Variants in SLTM observed in about 807,000 individuals in gnomAD.
SLTM encodes SAFB like transcription modulator.
A neutral mutation model predicts 134.6 loss-of-function variants in SLTM; 43 were observed. The observed-to-expected ratio is 0.32, with a 90% CI of 0.25 to 0.41. SLTM has a LOEUF of 0.41. Among genes scored for constraint, SLTM ranks in the 10% least tolerant of loss-of-function variants. The pLI is 1.00. For synonymous variants in SLTM, 424 were observed against 432.3 expected (o/e 0.98, Z 0.24); for missense variants, 1,055 against 1,288.8 (o/e 0.82, Z 2.78).
chr15:58,927,768 A>C (rs2037583358), intron 2 of SLTM, among the ~76,000 whole-genome samples: 1 of 152,178 alleles, frequency 6.6e-6, no homozygotes, highest in Non-Finnish European at 1.5e-5. Flanking sequence ...TAACAATTAT[A>C]CGCCCAAAGT....
intron 3 of SLTM, 165 bp downstream of exon 3, chr15:58,916,770 T>C: frequency 1.9e-6 from 1 of 521,608 alleles, no homozygotes; most frequent in African/African-American, 2.0e-5. Flanking sequence ...TTCTCAATTA[T>C]GAGAGTTAAT....
chr15:58,882,545 A>G (rs1416570747), intron 20 of SLTM, among the ~76,000 whole-genome samples: 1 of 152,240 alleles, frequency 6.6e-6, no homozygotes, highest in African/African-American at 2.4e-5. Flanking sequence ...CGTGTGAAAC[A>G]GTGTTTAACC....
intron 14 of SLTM, among the ~76,000 whole-genome samples, chr15:58,890,815 CT>C (rs2034590024): frequency 6.6e-6 from 1 of 152,166 alleles, no homozygotes. Context: ...ACTTCCAACA[CT>C]TGTTTTTGAT....
At chr15:58,902,425 C>G (rs887787211) in intron 5 of SLTM, among the ~76,000 whole-genome samples, 1 of 148,232 alleles carries the variant, frequency 6.7e-6, no homozygotes, top group Non-Finnish European at 1.5e-5. Context: ...CTTACTCTGT[C>G]GTCCAGGCTA....
intron 2 of SLTM, among the ~76,000 whole-genome samples, chr15:58,920,530 G>GGA (rs2036952668): frequency 6.6e-6 from 1 of 151,830 alleles, no homozygotes; most frequent in Non-Finnish European, 1.5e-5. Flanking sequence ...GGCTGAGACA[G>GGA]GAGAATCACC....
At chr15:58,918,053 C>T (rs1325502550) in intron 2 of SLTM, among the ~76,000 whole-genome samples, 1 of 151,078 alleles carries the variant, frequency 6.6e-6, no homozygotes, top group Non-Finnish European at 1.5e-5. Context: ...TTGCGCCCAG[C>T]TGGTAGTTGG....
At chr15:58,885,645 G>A (rs930663113) in intron 19 of SLTM, among the ~76,000 whole-genome samples, 129 of 152,222 alleles carry the variant, frequency 8.5e-4, no homozygotes, top group Non-Finnish European at 1.5e-3. Context: ...TTAGCCAGGC[G>A]TGGTGGCGCA....
intron 2 of SLTM, among the ~76,000 whole-genome samples, chr15:58,926,904 G>A (rs749521570): frequency 1.3e-5 from 2 of 152,038 alleles, no homozygotes; most frequent in Non-Finnish European, 2.9e-5. Context: ...GAGCCACCGC[G>A]CCTGGCCAAA....
chr15:58,892,609 G>T (rs186781624), intron 14 of SLTM, among the ~76,000 whole-genome samples: 1 of 152,224 alleles, frequency 6.6e-6, no homozygotes, highest in East Asian at 1.9e-4. Flanking sequence ...TGTTAGCCAT[G>T]TGGCCATTGG....
intron 6 of SLTM, 188 bp downstream of exon 6, chr15:58,901,072 T>A: frequency 3.5e-6 from 2 of 573,558 alleles, no homozygotes; most frequent in East Asian, 6.2e-5. Flanking sequence ...TTGCAATATA[T>A]CTTTAGTGTT....
Position 58,932,364 on chromosome 15 carries a change from T to G in SLTM, c.242A>C (p.Lys81Thr). 2 of 1,611,882 alleles carry G rather than the reference T, an allele frequency of 1.2e-6. No individual in the cohort carries two copies. Among genetic ancestry groups the G allele is most frequent in the Non-Finnish European group, 1.7e-6 (2 of 1,177,998 alleles). The change falls in exon 2 of 21, where the codon AAA (lysine) becomes ACA (threonine). Residue 81 changes from lysine (K) to threonine (T), a missense_variant. This residue lies in a region of SLTM where 268 missense variants were observed against 284.3 expected (regional missense o/e 0.94). Coordinates refer to ENST00000380516, the MANE Select transcript of SLTM (RefSeq NM_024755.4). ...TCATAACTCGTAACAACCTTTGCCT[T>G]TAGTTGGTTTCTTGTTTGGAGTATC... ...STDTPNKKPT[K>T]GKGKKHEADE...
chr15:58,889,261 T>A (rs2034476503), intron 16 of SLTM, 169 bp downstream of exon 16: 1 of 696,998 alleles, frequency 1.4e-6, no homozygotes, highest in Non-Finnish European at 2.3e-6. Flanking sequence ...CACAGACTGT[T>A]CCCACTTGCT....
chr15:58,927,358 CTCCCAG>C (rs1303884941), intron 2 of SLTM, among the ~76,000 whole-genome samples: 1 of 152,072 alleles, frequency 6.6e-6, no homozygotes, highest in African/African-American at 2.4e-5. Context: ...CAACCTCTGC[CTCCCAG>C]GTTCAAGAGA....
chr15:58,884,200 T>C (rs1407828009), intron 19 of SLTM, among the ~76,000 whole-genome samples: 2 of 152,118 alleles, frequency 1.3e-5, no homozygotes, highest in African/African-American at 4.8e-5. Context: ...ATAAGATGTC[T>C]GAGAAGATAA....
At position 58,894,209 on chromosome 15, in the gene SLTM, C is replaced by G; in HGVS notation, c.1378-16G>C. 3 of 1,571,958 alleles carry G rather than the reference C, an allele frequency of 1.9e-6. No homozygotes were observed. In the South Asian group the frequency reaches 3.4e-5, roughly 18 times the overall value. On this transcript the variant is annotated splice_polypyrimidine_tract_variant and intron_variant, in intron 10 of 20. Transcript: ENST00000380516. Reference sequence around the variant, plus strand: ...CACCTTTTACCTGAAAGGTTCGAACCAGAAAAACAATTTGTACATATGGTT... The same window carrying G: ...CACCTTTTACCTGAAAGGTTCGAACGAGAAAAACAATTTGTACATATGGTT...
intron 5 of SLTM, among the ~76,000 whole-genome samples, chr15:58,906,919 T>C (rs932543849): frequency 1.3e-5 from 2 of 152,200 alleles, no homozygotes; most frequent in African/African-American, 4.8e-5. Flanking sequence ...TGTGGAGTTA[T>C]TTAGTGAAAA....
rs542952605 is a variant in SLTM, at chr15:58,881,057, G to A, written c.2997-950C>T. Among the ~76,000 whole-genome samples, 27 of 152,170 alleles carry A rather than the reference G, an allele frequency of 1.8e-4. 2 individuals are homozygous for A. The South Asian group carries it at 5.6e-3, about 32-fold the overall frequency. The stretch of plus-strand genomic sequence containing the variant: ...TAACAGGCCGGGCGCAGTGGCTCAC[G>A]CCTGTAATCCCAGCACTTTGGGAGG... On this transcript the variant is annotated intron_variant, in intron 20 of 20. Transcript: ENST00000380516.
In SLTM at chr15:58,899,473, T is replaced by C; in HGVS notation, c.1054A>G (p.Lys352Glu). Residue 352 changes from lysine (K) to glutamate (E), a missense_variant, in exon 7 of 21, where the codon AAG becomes GAG. Physicochemically the swap from Lys to Glu is moderately conservative, Grantham distance 56 (BLOSUM62 1). Transcript: ENST00000380516. The surrounding 1 kb of genome is among the most constrained non-coding windows in gnomAD (Gnocchi z 5.0). ...PSSTGASGQA[K>E]SSSKESKDSK... is the part of the protein sequence containing the mutation. The stretch of plus-strand genomic sequence containing the variant: ...AACTGACATAGAAAAACAAACCTCT[T>C]TGCTTGACCAGAGGCCCCAGTAGAC... The C allele has an allele frequency of 6.2e-7, 1 of 1,613,500 alleles. No homozygotes were observed. Among genetic ancestry groups the C allele is most frequent in the Non-Finnish European group, 8.5e-7 (1 of 1,179,644 alleles).
In SLTM at chr15:58,883,663, C is replaced by T. The variant is rs748115740; in HGVS notation, c.2959G>A (p.Gly987Ser). The T allele has an allele frequency of 8.7e-6, 14 of 1,613,976 alleles. No individual in the cohort carries two copies. Among genetic ancestry groups the T allele is most frequent in the East Asian group, 2.2e-5 (1 of 44,884 alleles). Residue 987 changes from glycine to serine, a missense_variant, in exon 20 of 21, where the codon GGC becomes AGC. This residue lies in a region of SLTM where 776 missense variants were observed against 962.2 expected (regional missense o/e 0.81). Coordinates refer to ENST00000380516, the MANE Select transcript of SLTM (RefSeq NM_024755.4). ...SYHDTRRMGDGRAGAGMITQH... is the reference protein window; with the variant it reads ...SYHDTRRMGDSRAGAGMITQH... ...GTTATCATGCCTGCTCCTGCCCGGC[C>T]GTCACCCATTCGCCTCGTATCATGA...
Sources: allele counts gnomAD v4.1 joint callset (sites outside exome capture counted in the v4.1 genomes callset), GRCh38; gene constraint gnomAD v4.1.1; regional missense constraint gnomAD v4.1.1; non-coding constraint Gnocchi (gnomAD v3.1); transcripts MANE v1.5; gene names NCBI Gene and HGNC (gene_info 2026-07-23, HGNC 2026-07-21).